GLYATL2: variants seen among roughly 807,000 people sequenced by gnomAD.
The protein encoded by GLYATL2 is glycine-N-acyltransferase like 2.
GLYATL2 carries 25 observed loss-of-function variants against 21.4 expected under a neutral mutation model. The ratio of observed to expected loss-of-function variants is 1.17; its 90% CI spans 0.85 to 1.63. The LOEUF (loss-of-function observed/expected upper bound fraction) is 1.63, where lower values mean the gene tolerates loss of function less well. Ranked by LOEUF, GLYATL2 falls within the 40% of genes most tolerant of loss-of-function variation. GLYATL2 has a pLI of 0.00. For synonymous variants in GLYATL2, 114 were observed against 118.2 expected, an observed-to-expected ratio of 0.96 and a Z score of 0.23; for missense variants, 361 against 343.3, an observed-to-expected ratio of 1.05 and a Z score of -0.41.
At chr11:58,874,140 C>T (rs915388773) in intron 1 of GLYATL2, among the ~76,000 whole-genome samples, 2 of 151,992 alleles carry the variant, frequency 1.3e-5, no homozygotes, top group African/African-American at 4.8e-5. Flanking sequence ...TATCTATCCC[C>T]TTTGTCATTT....
Position 58,834,730 on chromosome 11 carries a change from C to G in GLYATL2, c.584G>C (p.Cys195Ser). ...ACCAAATCCTAGAAAATCCTGGAGG[C>G]AGCGTTCAATATATTTCAAGCTCCT... Reference protein sequence around the residue: ...NERSLKYIERCLQDFLGFGVL... With the variant: ...NERSLKYIERSLQDFLGFGVL... The change falls in exon 6 of 6, where the codon TGC becomes TCC. Residue 195 changes from cysteine to serine, a missense_variant. Cys to Ser is a moderately radical substitution (Grantham distance 112, BLOSUM62 -1). Coordinates refer to ENST00000287275, the MANE Select transcript of GLYATL2 (RefSeq NM_145016.4). The G allele has an allele frequency of 3.1e-6, 5 of 1,613,884 alleles. No homozygotes were observed. Among genetic ancestry groups the G allele is most frequent in the Non-Finnish European group, 4.2e-6 (5 of 1,179,982 alleles).
chr11:58,905,720 A>T (rs550721488), upstream of GLYATL2: 87 of 165,186 alleles, frequency 5.3e-4, no homozygotes, highest in African/African-American at 3.1e-3. Flanking sequence ...TGGGACCGGG[A>T]TGGGTCATCT....
chr11:58,847,070 A>T (rs941293569), upstream of GLYATL2, among the ~76,000 whole-genome samples: 24 of 152,036 alleles, frequency 1.6e-4, no homozygotes, highest in African/African-American at 5.3e-4. Flanking sequence ...CCCAGACAAC[A>T]TTTCTAGACA....
chr11:58,859,542 A>G (rs1159899372), intron 1 of GLYATL2, among the ~76,000 whole-genome samples: 2 of 152,086 alleles, frequency 1.3e-5, no homozygotes. Flanking sequence ...TATGGTTTGC[A>G]AAGATTTTCT....
At chr11:58,839,047 G>A (rs972373557) in intron 2 of GLYATL2, among the ~76,000 whole-genome samples, 2 of 152,168 alleles carry the variant, frequency 1.3e-5, no homozygotes, top group African/African-American at 2.4e-5. Flanking sequence ...CTACTGAACT[G>A]TGAGGGGCTC....
chr11:58,857,374 G>A (rs1035537135), intron 1 of GLYATL2, among the ~76,000 whole-genome samples: 7 of 152,188 alleles, frequency 4.6e-5, no homozygotes, highest in Non-Finnish European at 8.8e-5. Flanking sequence ...CTGGGGAGGG[G>A]TGTCTGTACA....
intron 1 of GLYATL2, among the ~76,000 whole-genome samples, chr11:58,876,101 A>G (rs1186339440): frequency 6.6e-6 from 1 of 152,162 alleles, no homozygotes; most frequent in African/African-American, 2.4e-5. Flanking sequence ...AGGCTTGTGC[A>G]TTCATCACGT....
intron 1 of GLYATL2, among the ~76,000 whole-genome samples, chr11:58,894,965 A>C (rs112347504): frequency 1.9e-4 from 1 of 5,220 alleles, no homozygotes; most frequent in Non-Finnish European, 5.0e-3. Flanking sequence ...GCTAATACAG[A>C]TAATACAGAT....
At chr11:58,849,549 A>G (rs1368389742), upstream of GLYATL2, among the ~76,000 whole-genome samples, 1 of 152,208 alleles carries the variant, frequency 6.6e-6, no homozygotes, top group Non-Finnish European at 1.5e-5. Context: ...CTGAAGCTAT[A>G]CTAAAGTCTC....
At chr11:58,876,075 A>G (rs1004784730) in intron 1 of GLYATL2, among the ~76,000 whole-genome samples, 2 of 152,158 alleles carry the variant, frequency 1.3e-5, no homozygotes. Context: ...CTTCCAGTTG[A>G]TCGCATCGGT....
chr11:58,839,772 T>C (rs934000405), intron 1 of GLYATL2, 120 bp from the exon 2 acceptor site: 56 of 466,858 alleles, frequency 1.2e-4, no homozygotes, highest in Non-Finnish European at 1.9e-4. Context: ...GCTTTAGAAA[T>C]TATCTAGTCC....
intron 1 of GLYATL2, among the ~76,000 whole-genome samples, chr11:58,860,839 C>G (rs1014342585): frequency 6.6e-6 from 1 of 152,010 alleles, no homozygotes; most frequent in Non-Finnish European, 1.5e-5. Context: ...AATGCTTTTT[C>G]TGCATCTATC....
At chr11:58,877,115 C>T (rs1241839426) in intron 1 of GLYATL2, among the ~76,000 whole-genome samples, 3 of 152,204 alleles carry the variant, frequency 2.0e-5, no homozygotes, top group Non-Finnish European at 4.4e-5. Context: ...TCCTGGTGTG[C>T]CGTTTGATAA....
At chr11:58,889,021 CT>C (rs11384510) in intron 1 of GLYATL2, among the ~76,000 whole-genome samples, 1 of 151,126 alleles carries the variant, frequency 6.6e-6, no homozygotes, top group African/African-American at 2.4e-5. Context: ...CAAATATGCT[CT>C]TTTTTTTCAC....
At chr11:58,892,945 A>T in intron 1 of GLYATL2, 1 of 298,258 alleles carries the variant, frequency 3.4e-6, no homozygotes, top group Non-Finnish European at 6.6e-6. Context: ...CTTTCTTGTG[A>T]TGAATAAAGG....
rs1330277297 is a variant in GLYATL2, at chr11:58,839,515, A to T, written c.78+20T>A. On this transcript the variant is annotated intron_variant, in intron 2 of 5. Coordinates refer to ENST00000287275, the MANE Select transcript of GLYATL2 (RefSeq NM_145016.4). Reference sequence around the variant, plus strand: ...TCAACTCAACCCTCTCTCTCCTTTGATCTCCTCCTACTCCGTTACCTTTAT... The same window carrying T: ...TCAACTCAACCCTCTCTCTCCTTTGTTCTCCTCCTACTCCGTTACCTTTAT... The T allele has an allele frequency of 1.3e-6, 2 of 1,522,154 alleles. No homozygotes were observed. Among genetic ancestry groups the T allele is most frequent in the Non-Finnish European group, 1.8e-6 (2 of 1,103,874 alleles). 94.3% of individuals were successfully genotyped at this position (1,522,154 alleles called of 1,614,324 possible).
chr11:58,840,423 G>T (rs1853525790), intron 1 of GLYATL2, among the ~76,000 whole-genome samples: 3 of 152,082 alleles, frequency 2.0e-5, no homozygotes, highest in Admixed American at 6.5e-5. Context: ...GTTAATGATG[G>T]TGTATCCAAA....
intron 1 of GLYATL2, among the ~76,000 whole-genome samples, chr11:58,870,937 G>T (rs1412528843): frequency 6.6e-6 from 1 of 152,170 alleles, no homozygotes; most frequent in East Asian, 1.9e-4. Flanking sequence ...ATGAAGAATT[G>T]TCTCCCAACC....
At chr11:58,847,785 G>A (rs1853669143), upstream of GLYATL2, among the ~76,000 whole-genome samples, 1 of 152,138 alleles carries the variant, frequency 6.6e-6, no homozygotes, top group African/African-American at 2.4e-5. Context: ...AAGCACACAG[G>A]CCTTGCTGGC....
Sources: gnomAD v4.1 joint callset for allele counts (sites outside exome capture counted in the v4.1 genomes callset) on GRCh38, gnomAD v4.1.1 for gene constraint, MANE v1.5 for transcripts, NCBI Gene and HGNC (gene_info 2026-07-23, HGNC 2026-07-21) for gene names.